Variants in ACAD10 observed in about 807,000 individuals in gnomAD.
The protein encoded by ACAD10 is acyl-CoA dehydrogenase family member 10.
Under a neutral mutation model 116.8 loss-of-function variants are expected in ACAD10, and 112 were observed. The ratio of observed to expected loss-of-function variants is 0.96; its 90% CI spans 0.82 to 1.12. The LOEUF is 1.12. ACAD10 is among the 50% of genes most tolerant of loss of function. The pLI is 0.00. For missense variants in ACAD10, 1,259 were observed against 1,350.2 expected, an observed-to-expected ratio of 0.93 and a Z score of 1.06; for synonymous variants, 486 against 510.6, an observed-to-expected ratio of 0.95 and a Z score of 0.65.
In ACAD10 at chr12:111,749,357, C is replaced by G; in HGVS notation, c.2817+12C>G. On this transcript the variant is annotated intron_variant, in intron 18 of 20. Transcript: ENST00000313698. ...TCATGAAGGCCCGCGTGAGTGCTTT[C>G]CCCCGCACCCAGCACTGACTCAGAA... is the stretch of plus-strand genomic sequence containing the variant. 1 of 1,604,776 alleles carries G rather than the reference C, an allele frequency of 6.2e-7. No homozygotes were observed. Among genetic ancestry groups the G allele is most frequent in the East Asian group, 2.2e-5 (1 of 44,654 alleles).
At chr12:111,711,375 G>A (rs1022843806) in intron 5 of ACAD10, among the ~76,000 whole-genome samples, 5 of 151,124 alleles carry the variant, frequency 3.3e-5, no homozygotes. Context: ...TAATTTTTTT[G>A]TATTTTTAGT....
chr12:111,724,662 C>T (rs868774522), intron 8 of ACAD10, among the ~76,000 whole-genome samples: 12 of 151,960 alleles, frequency 7.9e-5, no homozygotes, highest in Non-Finnish European at 1.6e-4. Flanking sequence ...GGCGTGGCGG[C>T]GCGTGCCTGC....
At chr12:111,724,498 A>G (rs1889153120) in intron 8 of ACAD10, among the ~76,000 whole-genome samples, 1 of 152,116 alleles carries the variant, frequency 6.6e-6, no homozygotes, top group Non-Finnish European at 1.5e-5. Context: ...ACGCCACTGC[A>G]CTCCAGCCTG....
chr12:111,755,130 T>C (rs1890173390), intron 19 of ACAD10, among the ~76,000 whole-genome samples: 1 of 152,068 alleles, frequency 6.6e-6, no homozygotes, highest in Non-Finnish European at 1.5e-5. Context: ...AGAGACAGAG[T>C]CTCACTCGGT....
intron 6 of ACAD10, chr12:111,715,493 A>G (rs1054973785): frequency 1.7e-5 from 5 of 289,136 alleles, no homozygotes; most frequent in Non-Finnish European, 3.4e-5. Context: ...TGTGCTTGAT[A>G]AACAGAATGA....
rs145937984 is a variant in ACAD10 at position 111,715,870 on chromosome 12, C to T, written c.900C>T (p.Tyr300=). ...QFDHGQSNPT[Y]YIRLANRDLV... ...ATCACGGGCAGTCAAATCCAACTTACTACATCAGGCTGGCTAATCGTGATC... is the reference window on the plus strand; with the variant it reads ...ATCACGGGCAGTCAAATCCAACTTATTACATCAGGCTGGCTAATCGTGATC... Residue 300 remains tyrosine, a synonymous_variant, in exon 7 of 21, where the codon TAC becomes TAT. Transcript: ENST00000313698. 3.2e-5 allele frequency: 52 copies of T among 1,614,062 alleles called. No individual in the cohort carries two copies. The African/African-American group carries it at 6.8e-4, about 21-fold the overall frequency.
chr12:111,706,351 T>G (rs1201580023), intron 4 of ACAD10, among the ~76,000 whole-genome samples: 1 of 152,254 alleles, frequency 6.6e-6, no homozygotes, highest in African/African-American at 2.4e-5. Flanking sequence ...ACTTCCATAC[T>G]AAATCCATCT....
At chr12:111,749,736 A>G (rs1890016601) in intron 18 of ACAD10, 1 of 163,658 alleles carries the variant, frequency 6.1e-6, no homozygotes, top group Non-Finnish European at 1.3e-5. Context: ...AGACCAGCCT[A>G]GGCGAAAAAG....
intron 8 of ACAD10, among the ~76,000 whole-genome samples, chr12:111,723,587 G>A (rs1395479513): frequency 7.4e-6 from 1 of 135,268 alleles, no homozygotes; most frequent in Non-Finnish European, 1.6e-5. Flanking sequence ...GGCTGGCCGG[G>A]TGGGGGGCTG....
chr12:111,737,996 G>T (rs1462467986), intron 12 of ACAD10, among the ~76,000 whole-genome samples: 2 of 151,918 alleles, frequency 1.3e-5, no homozygotes, highest in Non-Finnish European at 2.9e-5. Flanking sequence ...GGGATTATAG[G>T]CACATACCAC....
rs566770198 is a variant in ACAD10 at position 111,736,603 on chromosome 12, C to T, written c.1541-228C>T. ...GAAGCTCCCATTCCTTCCTTTACTG[C>T]CAGTTGAGTCTGAAACCTGTAAGAG... On this transcript the variant is annotated intron_variant, in intron 11 of 20. Transcript: ENST00000313698. 2.7e-4 allele frequency among the ~76,000 whole-genome samples: 41 copies of T among 152,284 alleles called. 1 individual carries two copies. Among genetic ancestry groups the T allele is most frequent in the African/African-American group, 9.6e-4 (40 of 41,566 alleles).
At position 111,729,694 on chromosome 12, in the gene ACAD10, T is replaced by C. The variant is rs1344670178; in HGVS notation, c.1244-112T>C. 4 of 1,314,906 alleles carry C rather than the reference T, an allele frequency of 3.0e-6. No individual in the cohort carries two copies. In the South Asian group the frequency reaches 4.2e-5, roughly 14 times the overall value. 81.5% of individuals were successfully genotyped at this position (1,314,906 alleles called of 1,614,324 possible). ...GTCATAGGAACGTGTTCAAAGACAC[T>C]GCACCACCCAGTGCAGAGCATGACA... On this transcript the variant is annotated intron_variant, in intron 9 of 20. Coordinates refer to ENST00000313698, the MANE Select transcript of ACAD10 (RefSeq NM_025247.6).
intron 3 of ACAD10, among the ~76,000 whole-genome samples, chr12:111,703,005 GC>G (rs1888393422): frequency 6.6e-6 from 1 of 150,566 alleles, no homozygotes; most frequent in South Asian, 2.1e-4. Flanking sequence ...TGAGGCTTGA[GC>G]CCTAGGGATT....
intron 5 of ACAD10, 192 bp downstream of exon 5, chr12:111,709,876 AACAGGT>A: frequency 1.5e-6 from 1 of 646,814 alleles, no homozygotes; most frequent in Non-Finnish European, 2.5e-6. Context: ...AAGCAAGACA[AACAGGT>A]ACTGCGAAGG....
chr12:111,744,914 TG>T lies in ACAD10; in HGVS notation c.1987del (p.Val663SerfsTer8), dbSNP rs1296554059. On this transcript the variant is annotated frameshift_variant, in exon 13 of 21. Coordinates refer to ENST00000313698, the MANE Select transcript of ACAD10 (RefSeq NM_025247.6). LOFTEE classifies it high-confidence loss of function. ...TCTCTCCAGAGAGCCTCTCTCCACC[TG>T]TCAGAGAGCTGTATCACCGGCTGAA... ...VISPESLSPP[V>X]RELYHRLKHF... The T allele has an allele frequency of 1.9e-6, 3 of 1,614,182 alleles. No individual in the cohort carries two copies. The highest frequency in any genetic ancestry group is 2.5e-6 in the Non-Finnish European group (3 of 1,180,024).
chr12:111,709,287 CACAGTGTCTGAAA>C (rs1888598960), intron 4 of ACAD10, among the ~76,000 whole-genome samples: 1 of 152,174 alleles, frequency 6.6e-6, no homozygotes, highest in Non-Finnish European at 1.5e-5. Flanking sequence ...TGCACAGGGT[CACAGTGTCTGAAA>C]CAGACACTTT....
At chr12:111,711,748 G>A (rs891664923) in intron 5 of ACAD10, among the ~76,000 whole-genome samples, 3 of 151,988 alleles carry the variant, frequency 2.0e-5, no homozygotes, top group African/African-American at 4.8e-5. Context: ...TCCTGGCCTC[G>A]TGATCCACCC....
At chr12:111,705,175 GT>G (rs765988647) in intron 3 of ACAD10, among the ~76,000 whole-genome samples, 8 of 147,362 alleles carry the variant, frequency 5.4e-5, no homozygotes, top group South Asian at 2.2e-4. Context: ...ATGATATGCT[GT>G]TTTTTTTTTC....
chr12:111,712,642 G>A lies in ACAD10; in HGVS notation c.835G>A (p.Gly279Ser). 6.2e-7 allele frequency: 1 copy of A among 1,614,008 alleles called. No individual in the cohort carries two copies. The change falls in exon 6 of 21, where the codon GGT becomes AGT. Residue 279 changes from glycine to serine, a missense_variant. Gly to Ser is a moderately conservative substitution (Grantham distance 56). Coordinates refer to ENST00000313698, the MANE Select transcript of ACAD10 (RefSeq NM_025247.6). ...SLQKYLKDLL[G>S]IQTTGPLELL... ...GCAGAAGTACCTCAAAGACTTACTGGGTATCCAGACCACAGGTATGTGGGC... is the reference window on the plus strand; with the variant it reads ...GCAGAAGTACCTCAAAGACTTACTGAGTATCCAGACCACAGGTATGTGGGC...
Sources: gnomAD v4.1 joint callset for allele counts (sites outside exome capture counted in the v4.1 genomes callset) on GRCh38, gnomAD v4.1.1 for gene constraint, MANE v1.5 for transcripts, NCBI Gene and HGNC (gene_info 2026-07-23, HGNC 2026-07-21) for gene names.